SYT7: variants seen among roughly 807,000 people sequenced by gnomAD.
The protein encoded by SYT7 is synaptotagmin 7.
Under a neutral mutation model 75.1 loss-of-function variants are expected in SYT7, and 29 were observed. The observed-to-expected ratio is 0.39, with a 90% CI of 0.29 to 0.53. The LOEUF (loss-of-function observed/expected upper bound fraction) is 0.53. Among genes scored for constraint, SYT7 ranks in the 20% least tolerant of loss-of-function variants. The pLI, the probability that SYT7 is intolerant of heterozygous loss-of-function variation, is 0.77. For missense variants in SYT7, 693 were observed against 953.2 expected, an observed-to-expected ratio of 0.73 and a Z score of 3.59; for synonymous variants, 376 against 401.7, an observed-to-expected ratio of 0.94 and a Z score of 0.76.
At chr11:61,547,592 C>A (rs1404298669) in intron 3 of SYT7, among the ~76,000 whole-genome samples, 2 of 150,480 alleles carry the variant, frequency 1.3e-5, no homozygotes, top group Non-Finnish European at 2.9e-5. Flanking sequence ...AAGCGGCAGG[C>A]GGCAGACTGG....
chr11:61,524,028 G>A lies in SYT7; in HGVS notation c.1642-87C>T, dbSNP rs377436607. On this transcript the variant is annotated intron_variant, in intron 10 of 12. Coordinates refer to ENST00000539008, the MANE Select transcript of SYT7 (RefSeq NM_001365809.2). This position sits in a 1 kb window ranked among gnomAD's most constrained non-coding sequence, Gnocchi z 4.1. Reference sequence around the variant, plus strand: ...GCTGCCCCCAGGTCCCCTCTACCCTGACCTTGGTGCTTACCCATGCCCCTG... The same window carrying A: ...GCTGCCCCCAGGTCCCCTCTACCCTAACCTTGGTGCTTACCCATGCCCCTG... The A allele has an allele frequency of 4.6e-5, 56 of 1,208,208 alleles. No individual in the cohort carries two copies. The East Asian group carries it at 7.7e-4, about 17-fold the overall frequency. The allele number at this position is 1,208,208 out of a possible 1,614,324, so 74.8% of individuals were successfully genotyped here. A position where few individuals can be genotyped will look rare whatever the true frequency, so the allele number is the denominator to read the frequency against.
At chr11:61,533,802 T>C (rs941937836) in intron 7 of SYT7, 1 of 373,250 alleles carries the variant, frequency 2.7e-6, no homozygotes, top group East Asian at 1.6e-4. Flanking sequence ...TTTAATTTTG[T>C]TGAATGTAAG....
chr11:61,529,639 T>C (rs2062643041), intron 8 of SYT7, among the ~76,000 whole-genome samples: 1 of 152,028 alleles, frequency 6.6e-6, no homozygotes, highest in Non-Finnish European at 1.5e-5. Context: ...CTCATGATAG[T>C]TTTTTGTTTT....
Position 61,518,620 on chromosome 11 carries a change from G to GC in SYT7, c.*6dup. 6.5e-7 allele frequency: 1 copy of GC among 1,539,894 alleles called. No homozygotes were observed. Among genetic ancestry groups the GC allele is most frequent in the Non-Finnish European group, 8.8e-7 (1 of 1,140,934 alleles). On this transcript the variant is annotated 3_prime_UTR_variant, in exon 13 of 13. Transcript: ENST00000539008. ...CCCTCGGCCCCCTGGGCCTCCCTTG[G>GC]CCCCACTCAGGCCTTCAGCTGGTGC...
intron 3 of SYT7, among the ~76,000 whole-genome samples, chr11:61,550,650 C>A (rs1197656845): frequency 6.6e-6 from 1 of 152,094 alleles, no homozygotes; most frequent in African/African-American, 2.4e-5. Context: ...GGCCTCCCCC[C>A]CAGCAAAAGC....
At chr11:61,521,639 C>T (rs1427241216) in intron 12 of SYT7, among the ~76,000 whole-genome samples, 1 of 152,154 alleles carries the variant, frequency 6.6e-6, no homozygotes, top group East Asian at 1.9e-4. Flanking sequence ...TCTCCATTCC[C>T]ATCTGTCTGA....
chr11:61,533,918 C>A (rs1565175680), intron 7 of SYT7, among the ~76,000 whole-genome samples: 1 of 152,124 alleles, frequency 6.6e-6, no homozygotes, highest in Non-Finnish European at 1.5e-5. Context: ...TTTGGTAAGG[C>A]TCTCACCCAG....
chr11:61,557,746 C>T (rs1296076747), intron 1 of SYT7, among the ~76,000 whole-genome samples: 3 of 152,254 alleles, frequency 2.0e-5, no homozygotes, highest in Non-Finnish European at 4.4e-5. Context: ...GGGGCCACGG[C>T]ACCCAGGAGC....
intron 1 of SYT7, among the ~76,000 whole-genome samples, chr11:61,579,214 G>C (rs2064168526): frequency 6.6e-6 from 1 of 152,250 alleles, no homozygotes; most frequent in Admixed American, 6.5e-5. Context: ...TCATACCCCA[G>C]AGCTGGCTTC....
intron 3 of SYT7, among the ~76,000 whole-genome samples, chr11:61,550,107 T>C (rs2063306132): frequency 6.6e-6 from 1 of 152,122 alleles, no homozygotes; most frequent in Non-Finnish European, 1.5e-5. Context: ...CACTTGGCTT[T>C]GAAGACCGGA....
chr11:61,579,254 G>A (rs2064170210), intron 1 of SYT7, among the ~76,000 whole-genome samples: 1 of 152,254 alleles, frequency 6.6e-6, no homozygotes, highest in Non-Finnish European at 1.5e-5. Flanking sequence ...CTAAGAAGGT[G>A]AGCAGAGCAA....
chr11:61,529,731 G>A (rs1342038954), intron 8 of SYT7, among the ~76,000 whole-genome samples: 1 of 152,124 alleles, frequency 6.6e-6, no homozygotes, highest in Non-Finnish European at 1.5e-5. Context: ...ACCTCCCAAG[G>A]TCAAGCGATT....
Position 61,517,842 on chromosome 11 carries a change from A to C in SYT7, c.*785T>G. 6.2e-4 allele frequency: 115 copies of C among 186,898 alleles called. No homozygotes were observed. Among genetic ancestry groups the C allele is most frequent in the Middle Eastern group, 4.3e-3 (2 of 462 alleles). The allele number at this position is 186,898 out of a possible 1,614,324, so 11.6% of individuals were successfully genotyped here. On this transcript the variant is annotated 3_prime_UTR_variant, in exon 13 of 13. Coordinates refer to ENST00000539008, the MANE Select transcript of SYT7 (RefSeq NM_001365809.2). ...AGCAGAGGGGGGCACCAAGGGGAGA[A>C]GGGGAGGAGACGGGGGGATGGCAGG...
At chr11:61,554,255 G>T (rs1005456537) in intron 2 of SYT7, among the ~76,000 whole-genome samples, 13 of 152,072 alleles carry the variant, frequency 8.5e-5, no homozygotes, top group East Asian at 1.9e-4. Context: ...ACCAGTTACA[G>T]TTGTACCTGG....
At chr11:61,575,841 G>A (rs538402824) in intron 1 of SYT7, among the ~76,000 whole-genome samples, 13 of 152,240 alleles carry the variant, frequency 8.5e-5, no homozygotes, top group Admixed American at 2.6e-4. Context: ...GCTGCCACCC[G>A]CACACACACT....
At chr11:61,548,279 G>A (rs2063249710) in intron 3 of SYT7, among the ~76,000 whole-genome samples, 2 of 152,190 alleles carry the variant, frequency 1.3e-5, no homozygotes, top group South Asian at 4.1e-4. Flanking sequence ...GCCCCTCCCT[G>A]GGTCCCTGTC....
chr11:61,560,240 T>G (rs138453760), intron 1 of SYT7, among the ~76,000 whole-genome samples: 1 of 152,116 alleles, frequency 6.6e-6, no homozygotes, highest in Non-Finnish European at 1.5e-5. Context: ...ACGTGGTTAG[T>G]TTTCAAGAGG....
chr11:61,518,895 C>T (rs1347865951), intron 12 of SYT7, among the ~76,000 whole-genome samples, 164 bp from the exon 13 acceptor site: 1 of 152,230 alleles, frequency 6.6e-6, no homozygotes, highest in Non-Finnish European at 1.5e-5. Context: ...CCTCCCTCCC[C>T]CAGTCAGCCT....
intron 6 of SYT7, chr11:61,540,004 T>G (rs776194367): frequency 6.6e-6 from 1 of 152,202 alleles, no homozygotes; most frequent in Non-Finnish European, 1.5e-5. Flanking sequence ...CTAGTTGTGC[T>G]GGGGGAAGGC....
Sources: gnomAD v4.1 joint callset for allele counts (sites outside exome capture counted in the v4.1 genomes callset) on GRCh38, gnomAD v4.1.1 for gene constraint, Gnocchi (gnomAD v3.1) non-coding constraint, MANE v1.5 for transcripts, NCBI Gene and HGNC (gene_info 2026-07-23, HGNC 2026-07-21) for gene names.